CPPED1: variants seen among roughly 807,000 people sequenced by gnomAD.
CPPED1 encodes the protein calcineurin like phosphoesterase domain containing 1, also known as serine/threonine-protein phosphatase CPPED1.
Under a neutral mutation model 28.0 loss-of-function variants are expected in CPPED1, and 28 were observed. That is an observed-to-expected ratio of 1.00 (90% confidence interval 0.74 to 1.37). CPPED1 has a LOEUF of 1.37. CPPED1 is among the 40% of genes most tolerant of loss of function. CPPED1 has a pLI of 0.00. For synonymous variants in CPPED1, 198 were observed against 180.2 expected, an observed-to-expected ratio of 1.10 and a Z score of -0.79; for missense variants, 504 against 416.5, an observed-to-expected ratio of 1.21 and a Z score of -1.83.
intron 2 of CPPED1, among the ~76,000 whole-genome samples, chr16:12,731,325 T>C (rs2080196139): frequency 6.6e-6 from 1 of 151,372 alleles, no homozygotes; most frequent in African/African-American, 2.4e-5. Flanking sequence ...GGCTGATTTT[T>C]TGTATTGTTA....
chr16:12,701,320 A>G (rs1177126772), intron 3 of CPPED1, among the ~76,000 whole-genome samples: 1 of 151,902 alleles, frequency 6.6e-6, no homozygotes, highest in Middle Eastern at 3.2e-3. Flanking sequence ...ACTTGAGGTC[A>G]GTCAGGAGTT....
At chr16:12,688,921 A>C (rs1203712193) in intron 3 of CPPED1, among the ~76,000 whole-genome samples, 1 of 152,240 alleles carries the variant, frequency 6.6e-6, no homozygotes, top group East Asian at 1.9e-4. Flanking sequence ...ATGTGGCCTT[A>C]CTTACCAAGA....
At chr16:12,769,843 T>C (rs2080459934) in intron 2 of CPPED1, among the ~76,000 whole-genome samples, 1 of 152,220 alleles carries the variant, frequency 6.6e-6, no homozygotes, top group African/African-American at 2.4e-5. Context: ...ACTCCCTTTT[T>C]ATGTTTCTCT....
intron 3 of CPPED1, among the ~76,000 whole-genome samples, chr16:12,680,017 T>G (rs1340821134): frequency 1.3e-5 from 2 of 152,202 alleles, no homozygotes; most frequent in African/African-American, 4.8e-5. Context: ...TCCAAGAGAT[T>G]ACCTGGGAGA....
chr16:12,670,856 T>A lies in CPPED1; in HGVS notation c.716-5741A>T, dbSNP rs985146387. ...ATTTTTTTAATTATTTATTTATTTTTAATATATTTTTTGAGGTGGAGTCTC... is the reference window on the plus strand; with the variant it reads ...ATTTTTTTAATTATTTATTTATTTTAAATATATTTTTTGAGGTGGAGTCTC... On this transcript the variant is annotated intron_variant, in intron 3 of 3. Coordinates refer to ENST00000381774, the MANE Select transcript of CPPED1 (RefSeq NM_018340.3). This position sits in a 1 kb window ranked among gnomAD's most constrained non-coding sequence, Gnocchi z 4.2. Among the ~76,000 whole-genome samples, 6 of 152,204 alleles carry A rather than the reference T, an allele frequency of 3.9e-5. No individual in the cohort carries two copies. The highest frequency in any genetic ancestry group is 1.4e-4 in the African/African-American group (6 of 41,452).
At chr16:12,774,179 G>A (rs919304368) in intron 2 of CPPED1, among the ~76,000 whole-genome samples, 1 of 152,116 alleles carries the variant, frequency 6.6e-6, no homozygotes, top group Non-Finnish European at 1.5e-5. Flanking sequence ...TTTTAAAAAT[G>A]TTCCCTCCAA....
At chr16:12,775,765 C>T (rs2080494272) in intron 2 of CPPED1, among the ~76,000 whole-genome samples, 1 of 152,170 alleles carries the variant, frequency 6.6e-6, no homozygotes, top group Non-Finnish European at 1.5e-5. Flanking sequence ...ACAAGAGTTC[C>T]CAGTTTACAA....
chr16:12,673,813 G>A lies in CPPED1; in HGVS notation c.716-8698C>T, dbSNP rs1040625716. On this transcript the variant is annotated intron_variant, in intron 3 of 3. Coordinates refer to ENST00000381774, the MANE Select transcript of CPPED1 (RefSeq NM_018340.3). The stretch of plus-strand genomic sequence containing the variant: ...TGTAATCCCAGCATTTTGGGAGGCC[G>A]AGGTTAGAGGATCGCTTGGGGCCAG... 5.3e-5 allele frequency among the ~76,000 whole-genome samples: 8 copies of A among 152,296 alleles called. No individual in the cohort carries two copies. The South Asian group carries it at 6.2e-4, about 12-fold the overall frequency.
At chr16:12,691,211 G>A (rs1425329510) in intron 3 of CPPED1, among the ~76,000 whole-genome samples, 1 of 152,222 alleles carries the variant, frequency 6.6e-6, no homozygotes, top group Non-Finnish European at 1.5e-5. Context: ...ATCAGAGCAA[G>A]AGTCCCTGTG....
chr16:12,676,388 T>C (rs567763326), intron 3 of CPPED1, among the ~76,000 whole-genome samples: 1 of 152,248 alleles, frequency 6.6e-6, no homozygotes, highest in Non-Finnish European at 1.5e-5. Flanking sequence ...TCGACATCAC[T>C]CAGCAGCGTT....
intron 3 of CPPED1, among the ~76,000 whole-genome samples, chr16:12,690,501 A>G (rs1168012921): frequency 1.3e-5 from 2 of 149,516 alleles, no homozygotes; most frequent in Non-Finnish European, 3.0e-5. Flanking sequence ...GCAATAGCGC[A>G]AGACTCCTTC....
At chr16:12,794,501 G>C (rs933802217) in intron 1 of CPPED1, among the ~76,000 whole-genome samples, 2 of 126,328 alleles carry the variant, frequency 1.6e-5, no homozygotes, top group African/African-American at 6.2e-5. Context: ...ATATCCTCAA[G>C]AGTCTCCAAA....
At position 12,662,527 on chromosome 16, in the gene CPPED1, C is replaced by T. The variant is rs1322513114; in HGVS notation, c.*2359G>A. 6.6e-6 allele frequency: 1 copy of T among 152,230 alleles called. No homozygotes were observed. The highest frequency in any genetic ancestry group is 1.5e-5 in the Non-Finnish European group (1 of 68,036). The allele number at this position is 152,230 out of a possible 1,614,324, so 9.4% of individuals were successfully genotyped here. A position where few individuals can be genotyped will look rare whatever the true frequency, so the allele number is the denominator to read the frequency against. ...CTGTACCCATCAGGTACTTTCTCATCCCTTACCCTCCTCCCACCCTTCTGA... is the reference window on the plus strand; with the variant it reads ...CTGTACCCATCAGGTACTTTCTCATTCCTTACCCTCCTCCCACCCTTCTGA... On this transcript the variant is annotated 3_prime_UTR_variant, in exon 4 of 4. Transcript: ENST00000381774.
intron 1 of CPPED1, among the ~76,000 whole-genome samples, chr16:12,788,229 T>C (rs2080575918): frequency 6.6e-6 from 1 of 152,114 alleles, no homozygotes; most frequent in Non-Finnish European, 1.5e-5. Context: ...ACAATCAAGT[T>C]ACCAGGGCAG....
rs371891157 is a variant in CPPED1 at position 12,705,587 on chromosome 16, G to A, written c.290-538C>T. On this transcript the variant is annotated intron_variant, in intron 2 of 3. Transcript: ENST00000381774. ...AGCCTGGACAACATGGTGAAACCCC[G>A]TCTCTACTAAAAATACAAAAATTAG... 4.0e-5 allele frequency among the ~76,000 whole-genome samples: 6 copies of A among 151,892 alleles called. No homozygotes were observed. The East Asian group carries it at 7.8e-4, about 20-fold the overall frequency.
At chr16:12,698,301 T>C (rs893238122) in intron 3 of CPPED1, among the ~76,000 whole-genome samples, 4 of 152,178 alleles carry the variant, frequency 2.6e-5, no homozygotes, top group African/African-American at 7.2e-5. Context: ...GGGCTTCTGT[T>C]TCCTGGAGGA....
intron 2 of CPPED1, among the ~76,000 whole-genome samples, chr16:12,721,673 G>T (rs980300573): frequency 6.6e-6 from 1 of 151,420 alleles, no homozygotes; most frequent in Non-Finnish European, 1.5e-5. Context: ...GAATCCACTT[G>T]AACCTGGGAG....
intron 2 of CPPED1, among the ~76,000 whole-genome samples, chr16:12,764,255 G>C (rs541202150): frequency 1.4e-4 from 21 of 151,512 alleles, no homozygotes; most frequent in Admixed American, 6.6e-5. Context: ...CCAGGCCAGA[G>C]TGCAGTGGTG....
intron 2 of CPPED1, among the ~76,000 whole-genome samples, chr16:12,749,287 T>C (rs1453590327): frequency 1.3e-5 from 2 of 152,242 alleles, no homozygotes; most frequent in South Asian, 2.1e-4. Context: ...TTCTTTGTTG[T>C]CATTTCAGCA....
Sources: allele counts gnomAD v4.1 joint callset (sites outside exome capture counted in the v4.1 genomes callset), GRCh38; gene constraint gnomAD v4.1.1; non-coding constraint Gnocchi (gnomAD v3.1); transcripts MANE v1.5; gene names NCBI Gene and HGNC (gene_info 2026-07-23, HGNC 2026-07-21).